The following BICRA variants were observed in gnomAD, a reference collection of about 807,000 sequenced individuals.
The protein encoded by BICRA is BRD4-interacting chromatin-remodeling complex-associated protein.
A neutral mutation model predicts 96.9 loss-of-function variants in BICRA; 31 were observed. That is an observed-to-expected ratio of 0.32 (90% CI 0.24 to 0.43). The LOEUF (loss-of-function observed/expected upper bound fraction) is 0.43, where lower values mean the gene tolerates loss of function less well. Among genes scored for constraint, BICRA ranks in the 20% least tolerant of loss-of-function variants. The pLI is 1.00. For missense variants in BICRA, 2,283 were observed against 2,190.3 expected (o/e 1.04, Z -0.84); for synonymous variants, 1,350 against 1,071.8 (o/e 1.26, Z -5.07).
chr19:47,614,259 C>T lies in BICRA; in HGVS notation c.-108+5091C>T, dbSNP rs73943804. 7.0e-3 allele frequency among the ~76,000 whole-genome samples: 1,072 copies of T among 152,298 alleles called. 21 individuals are homozygous for T. Among genetic ancestry groups the T allele is most frequent in the African/African-American group, 0.024 (1,000 of 41,566 alleles). ...ATCCCTGGTCCCCTAGCTCTCTTCC[C>T]CAGAGACAGCACCTCCATTCTGATG... On this transcript the variant is annotated intron_variant, in intron 1 of 14. Transcript: ENST00000594866.
At position 47,681,107 on chromosome 19, in the gene BICRA, AGCCCCCGCAG is replaced by A; in HGVS notation, c.1944_1953del (p.Gln649ProfsTer72). The A allele has an allele frequency of 6.9e-7, 1 of 1,459,852 alleles. No homozygotes were observed. Among genetic ancestry groups the A allele is most frequent in the Non-Finnish European group, 9.1e-7 (1 of 1,098,620 alleles). The allele number at this position is 1,459,852 out of a possible 1,614,324, so 90.4% of individuals were successfully genotyped here. On this transcript the variant is annotated frameshift_variant, in exon 6 of 15. Transcript: ENST00000594866. LOFTEE classifies it high-confidence loss of function. ...GGCCTCCAGCAGCCGCAGGCGCAGCAGCCCCCGCAGGCCCCCACCCCACAGGCCGCCGCCC... is the reference window on the plus strand; with the variant it reads ...GGCCTCCAGCAGCCGCAGGCGCAGCAGCCCCCACCCCACAGGCCGCCGCCC...
At chr19:47,679,086 T>C (rs1165280341) in intron 5 of BICRA, 7 of 377,154 alleles carry the variant, frequency 1.9e-5, no homozygotes, top group Non-Finnish European at 3.3e-5. Context: ...TTTTAAAATT[T>C]TTTTCTCACT....
chr19:47,657,309 C>T (rs776130957), intron 1 of BICRA, among the ~76,000 whole-genome samples: 12 of 152,084 alleles, frequency 7.9e-5, no homozygotes, highest in African/African-American at 1.2e-4. Flanking sequence ...TGTATTCTGT[C>T]GTGTGGATGT....
chr19:47,682,495 A>G (rs575585887), intron 7 of BICRA, among the ~76,000 whole-genome samples: 1 of 152,278 alleles, frequency 6.6e-6, no homozygotes, highest in South Asian at 2.1e-4. Context: ...CGTCTCCTGA[A>G]CCGTGGCCTC....
intron 1 of BICRA, chr19:47,661,975 C>T (rs1296913095): frequency 1.3e-5 from 2 of 152,122 alleles, no homozygotes; most frequent in Non-Finnish European, 2.9e-5. Flanking sequence ...AAGAATTAAC[C>T]AGGTGTGGTG....
chr19:47,686,853 A>C (rs1238942564), intron 7 of BICRA, among the ~76,000 whole-genome samples: 1 of 152,162 alleles, frequency 6.6e-6, no homozygotes, highest in Non-Finnish European at 1.5e-5. Flanking sequence ...GGCCACTTAC[A>C]GGCCCTGTGA....
intron 1 of BICRA, among the ~76,000 whole-genome samples, chr19:47,649,156 T>G (rs990169583): frequency 6.6e-6 from 1 of 151,946 alleles, no homozygotes; most frequent in African/African-American, 2.4e-5. Flanking sequence ...CGGCCTAATT[T>G]TTGTATTTTT....
intron 1 of BICRA, among the ~76,000 whole-genome samples, chr19:47,642,159 T>A (rs1972394313): frequency 6.6e-6 from 1 of 152,230 alleles, no homozygotes; most frequent in Non-Finnish European, 1.5e-5. Context: ...TTGAAATTCA[T>A]CTATGTTATG....
chr19:47,608,514 G>T (rs1041508235), upstream of BICRA: 2 of 152,218 alleles, frequency 1.3e-5, no homozygotes, highest in Non-Finnish European at 2.9e-5. Flanking sequence ...CAGGGGACGC[G>T]CCCAGGACGC....
At chr19:47,626,675 T>C (rs1972144663) in intron 1 of BICRA, among the ~76,000 whole-genome samples, 2 of 144,658 alleles carry the variant, frequency 1.4e-5, no homozygotes, top group Non-Finnish European at 3.0e-5. Flanking sequence ...CCCAAAGCAG[T>C]GAGATTACAG....
chr19:47,632,970 A>G (rs955047361), intron 1 of BICRA, among the ~76,000 whole-genome samples: 5 of 152,132 alleles, frequency 3.3e-5, no homozygotes, highest in Non-Finnish European at 2.9e-5. Context: ...TGATAGCACC[A>G]AAGAGTTCAG....
At chr19:47,644,407 C>G (rs1220546582) in intron 1 of BICRA, among the ~76,000 whole-genome samples, 1 of 150,966 alleles carries the variant, frequency 6.6e-6, no homozygotes, top group Non-Finnish European at 1.5e-5. Flanking sequence ...TTCTTTCTCT[C>G]TCTCCTTCCT....
At chr19:47,656,069 G>GACACACACACACACACAC (rs60179476) in intron 1 of BICRA, among the ~76,000 whole-genome samples, 24 of 132,240 alleles carry the variant, frequency 1.8e-4, no homozygotes, top group African/African-American at 3.2e-4. Flanking sequence ...ATCCTGTCTC[G>GACACACACACACACACAC]ACACACACAC....
At position 47,680,738 on chromosome 19, in the gene BICRA, C is replaced by G. The variant is rs936445894; in HGVS notation, c.1568C>G (p.Pro523Arg). ...PILTNQNLAG[P>R]LSLGPVLAPH... is the part of the protein sequence containing the mutation. ...CTCACAAACCAGAACCTGGCGGGCC[C>G]ACTGAGCCTGGGCCCCGTGTTGGCC... is the stretch of plus-strand genomic sequence containing the variant. Residue 523 changes from proline to arginine, a missense_variant, in exon 6 of 15, where the codon CCA becomes CGA. Transcript: ENST00000594866. The G allele has an allele frequency of 1.9e-6, 3 of 1,606,854 alleles. No homozygotes were observed. The highest frequency in any genetic ancestry group is 2.5e-6 in the Non-Finnish European group (3 of 1,177,314).
chr19:47,702,199 C>T lies in BICRA; in HGVS notation c.4467C>T (p.Ser1489=), dbSNP rs181534456. 2.1e-3 allele frequency: 3,390 copies of T among 1,593,408 alleles called. 26 individuals carry two copies. In the African/African-American group the frequency reaches 0.022, roughly 10 times the overall value. Residue 1489 remains serine (S), a synonymous_variant, in exon 15 of 15, where the codon AGC becomes AGT. Transcript: ENST00000594866. ...SPDVDQASFS[S]DSPQDDTLTE... ...ACGTGGACCAGGCCAGCTTCTCCAG[C>T]GACAGCCCGCAGGATGACACGCTCA...
chr19:47,610,269 C>T (rs543203294), intron 1 of BICRA, among the ~76,000 whole-genome samples: 4 of 152,348 alleles, frequency 2.6e-5, no homozygotes, highest in Admixed American at 6.5e-5. Flanking sequence ...GCTTCCCCGA[C>T]TCCTGTCACG....
At chr19:47,689,673 A>ATTG (rs1260292564) in intron 7 of BICRA, among the ~76,000 whole-genome samples, 2 of 72,588 alleles carry the variant, frequency 2.8e-5, no homozygotes, top group Admixed American at 3.3e-4. Context: ...GGCCTCCCAA[A>ATTG]GTACTGGGAT....
chr19:47,630,400 C>T (rs1045640566), intron 1 of BICRA, among the ~76,000 whole-genome samples: 2 of 151,942 alleles, frequency 1.3e-5, no homozygotes, highest in Admixed American at 6.6e-5. Flanking sequence ...TCTCCATCTC[C>T]TGACCTCGTG....
At position 47,682,007 on chromosome 19, in the gene BICRA, G is replaced by T; in HGVS notation, c.2138G>T (p.Gly713Val). 6.4e-7 allele frequency: 1 copy of T among 1,571,226 alleles called. No homozygotes were observed. ...ERSQQPLSAE[G>V]PHLSVPASVI... ...AGCCAGCAGCCCCTCTCCGCAGAGG[G>T]CCCCCACCTCTCCGTGCCTGCCTCG... is the stretch of plus-strand genomic sequence containing the variant. Residue 713 changes from glycine to valine, a missense_variant, in exon 7 of 15, where the codon GGC becomes GTC. Physicochemically the swap from Gly to Val is moderately radical, Grantham distance 109 (BLOSUM62 -3). Coordinates refer to ENST00000594866, the MANE Select transcript of BICRA (RefSeq NM_001394372.1).
Sources: allele counts gnomAD v4.1 joint callset (sites outside exome capture counted in the v4.1 genomes callset), GRCh38; gene constraint gnomAD v4.1.1; transcripts MANE v1.5; gene names NCBI Gene and HGNC (gene_info 2026-07-23, HGNC 2026-07-21).